The following MAF variants were observed in gnomAD, a reference collection of about 807,000 sequenced individuals.
MAF encodes the protein MAF bZIP transcription factor, also known as transcription factor Maf.
Under a neutral mutation model 22.0 loss-of-function variants are expected in MAF, and 10 were observed. The ratio of observed to expected loss-of-function variants is 0.45; its 90% confidence interval spans 0.28 to 0.77. The LOEUF (loss-of-function observed/expected upper bound fraction) is 0.77. Ranked by LOEUF, MAF falls within the 30% of genes least tolerant of loss-of-function variation. The pLI is 0.12. For missense variants in MAF, 544 were observed against 548.4 expected, an observed-to-expected ratio of 0.99 and a Z score of 0.08; for synonymous variants, 337 against 255.8, an observed-to-expected ratio of 1.32 and a Z score of -3.03.
At chr16:79,298,231 G>A in the MAF span, among the ~76,000 whole-genome samples, 3 of 152,228 alleles carry the variant, frequency 2.0e-5, no homozygotes, top group African/African-American at 7.2e-5. Context: ...AGGAGATGTG[G>A]CATCTCTGGC....
chr16:79,264,794 G>A, the MAF span, among the ~76,000 whole-genome samples: 2 of 152,152 alleles, frequency 1.3e-5, no homozygotes, highest in African/African-American at 4.8e-5. Flanking sequence ...AGTTTCCCAT[G>A]GATCTGAAGC....
chr16:79,472,237 C>T, the MAF span, among the ~76,000 whole-genome samples: 7 of 152,060 alleles, frequency 4.6e-5, no homozygotes, highest in Non-Finnish European at 7.4e-5. Flanking sequence ...TGACAAAATG[C>T]CATTAGAGAC....
the MAF span, among the ~76,000 whole-genome samples, chr16:79,209,894 G>A: frequency 2.0e-5 from 3 of 152,192 alleles, no homozygotes; most frequent in African/African-American, 7.2e-5. Flanking sequence ...TGGATGACAT[G>A]AACTCATTTC....
At chr16:79,474,060 G>A in the MAF span, among the ~76,000 whole-genome samples, 7 of 152,210 alleles carry the variant, frequency 4.6e-5, no homozygotes, top group African/African-American at 1.7e-4. Flanking sequence ...CAGGAGAGAG[G>A]AAGATGGATA....
chr16:79,333,639 G>A, the MAF span, among the ~76,000 whole-genome samples: 1 of 152,212 alleles, frequency 6.6e-6, no homozygotes, highest in Non-Finnish European at 1.5e-5. Flanking sequence ...TATGCGTAAT[G>A]ATGAGAATAA....
chr16:79,346,097 A>T, the MAF span, among the ~76,000 whole-genome samples: 2 of 152,008 alleles, frequency 1.3e-5, no homozygotes, highest in Admixed American at 1.3e-4. Flanking sequence ...TTACATATGT[A>T]TACATGTGCC....
chr16:79,313,939 G>A, the MAF span, among the ~76,000 whole-genome samples: 6 of 152,204 alleles, frequency 3.9e-5, no homozygotes, highest in African/African-American at 1.2e-4. Context: ...TACGTTCACA[G>A]GATGTCTGCG....
the MAF span, among the ~76,000 whole-genome samples, chr16:79,324,266 C>T: frequency 6.6e-6 from 1 of 152,116 alleles, no homozygotes; most frequent in Non-Finnish European, 1.5e-5. Flanking sequence ...GTAAACAGAA[C>T]CTGTTGGTAT....
chr16:79,590,118 C>T (rs73587060), downstream of MAF, among the ~76,000 whole-genome samples: 1,313 of 152,176 alleles, frequency 8.6e-3, 22 homozygotes, highest in African/African-American at 0.03. Flanking sequence ...CCACCAGGCT[C>T]GGGCAGTGAT....
the MAF span, among the ~76,000 whole-genome samples, chr16:79,235,329 G>A: frequency 6.6e-6 from 1 of 151,748 alleles, no homozygotes; most frequent in South Asian, 2.1e-4. Flanking sequence ...GAGGAGGGAA[G>A]ATCACTTGAA....
the MAF span, among the ~76,000 whole-genome samples, chr16:79,341,757 C>T: frequency 6.6e-6 from 1 of 152,272 alleles, no homozygotes; most frequent in Non-Finnish European, 1.5e-5. Context: ...GCAGAGAGAT[C>T]AGTGAGCAGG....
intron 1 of MAF, chr16:79,594,903 C>T: frequency 8.4e-7 from 1 of 1,189,474 alleles, no homozygotes; most frequent in African/African-American, 1.5e-5. Context: ...TTATATTCAA[C>T]TACCTTGTAG....
At chr16:79,284,308 G>C in the MAF span, among the ~76,000 whole-genome samples, 1 of 152,188 alleles carries the variant, frequency 6.6e-6, no homozygotes, top group Admixed American at 6.5e-5. Context: ...CTTGCAGCAA[G>C]AAAAGGTGAA....
the MAF span, among the ~76,000 whole-genome samples, chr16:79,236,289 G>C: frequency 1.3e-5 from 2 of 151,976 alleles, no homozygotes; most frequent in African/African-American, 2.4e-5. Context: ...GGCAACAGCG[G>C]GACACAGTCT....
the MAF span, among the ~76,000 whole-genome samples, chr16:79,344,414 T>A: frequency 6.6e-6 from 1 of 152,250 alleles, no homozygotes. Context: ...TATATCTAAT[T>A]GTCCACAATG....
the MAF span, among the ~76,000 whole-genome samples, chr16:79,529,409 C>T: frequency 0.023 from 3,460 of 152,232 alleles, 149 homozygotes; most frequent in African/African-American, 0.079. Context: ...GGAACACATC[C>T]GCCATAGAGA....
the MAF span, among the ~76,000 whole-genome samples, chr16:79,299,624 A>G: frequency 6.6e-6 from 1 of 152,156 alleles, no homozygotes. Flanking sequence ...CCAGGCATAA[A>G]AAGTGAGGCC....
the MAF span, among the ~76,000 whole-genome samples, chr16:79,471,469 G>A: frequency 7.9e-5 from 12 of 152,268 alleles, no homozygotes; most frequent in South Asian, 2.5e-3. Context: ...CTCAGGCTGG[G>A]CAACATGTCT....
At chr16:79,443,993 GAATT>G in the MAF span, among the ~76,000 whole-genome samples, 3 of 152,048 alleles carry the variant, frequency 2.0e-5, no homozygotes, top group African/African-American at 7.2e-5. Flanking sequence ...AAGAGGTAGA[GAATT>G]AATTAAACAT....
Sources: allele counts gnomAD v4.1 joint callset (sites outside exome capture counted in the v4.1 genomes callset), GRCh38; gene constraint gnomAD v4.1.1; transcripts MANE v1.5; gene names NCBI Gene and HGNC (gene_info 2026-07-23, HGNC 2026-07-21).